The following PHF24 variants were observed in gnomAD, a reference collection of about 807,000 sequenced individuals.
PHF24 encodes the protein Galpha inhibitory interacting protein.
Under a neutral mutation model 42.6 loss-of-function variants are expected in PHF24, and 25 were observed. The observed-to-expected ratio is 0.59, with a 90% CI of 0.43 to 0.82. The LOEUF is 0.82. Ranked by LOEUF, PHF24 falls within the 40% of genes least tolerant of loss-of-function variation. The probability of loss-of-function intolerance (pLI) is 0.00; values close to 1 mark genes in which losing one functional copy is unlikely to be tolerated. For synonymous variants in PHF24, 185 were observed against 204.8 expected (o/e 0.90, Z 0.83); for missense variants, 470 against 538.1 (o/e 0.87, Z 1.25).
chr9:34,788,244 T>C, the PHF24 span, among the ~76,000 whole-genome samples: 1 of 152,166 alleles, frequency 6.6e-6, no homozygotes, highest in East Asian at 1.9e-4. Flanking sequence ...GGTCTTGCTA[T>C]GTTGCCCAGT....
At chr9:34,922,976 C>G in the PHF24 span, 5 of 1,088,976 alleles carry the variant, frequency 4.6e-6, no homozygotes, top group Non-Finnish European at 6.4e-6. Context: ...TCGCCCCAGT[C>G]TACCTGGGGG....
the PHF24 span, chr9:34,723,722 C>T: frequency 6.4e-7 from 1 of 1,551,694 alleles, no homozygotes; most frequent in Non-Finnish European, 8.7e-7. Flanking sequence ...AGTTGGTTGG[C>T]TCAGGAAAGG....
At chr9:34,982,246 C>T (rs1246693297) in exon 8 of PHF24, 1 of 152,218 alleles carries the variant, frequency 6.6e-6, no homozygotes, top group Non-Finnish European at 1.5e-5. Context: ...TAGCCTCCTG[C>T]CATCATGGGT....
the PHF24 span, chr9:34,728,516 C>T: frequency 8.1e-7 from 1 of 1,239,980 alleles, no homozygotes; most frequent in East Asian, 2.5e-5. Flanking sequence ...AGTGGCAGAG[C>T]ACCTGGCTCT....
chr9:34,757,592 T>C, the PHF24 span, among the ~76,000 whole-genome samples: 7 of 152,154 alleles, frequency 4.6e-5, no homozygotes, highest in Admixed American at 3.9e-4. Context: ...TTAGATTTCA[T>C]AGGGAAAGGC....
the PHF24 span, among the ~76,000 whole-genome samples, chr9:34,720,466 AC>A: frequency 5.7e-4 from 85 of 149,350 alleles, 19 homozygotes; most frequent in Non-Finnish European, 7.0e-4. Context: ...AAAAAACAAA[AC>A]AAAACAAAAA....
intron 1 of PHF24, among the ~76,000 whole-genome samples, chr9:34,966,501 A>G (rs76722548): frequency 0.013 from 2,005 of 152,178 alleles, 37 homozygotes; most frequent in East Asian, 0.073. Context: ...AAAATTATCA[A>G]TCATGACCTG....
the PHF24 span, among the ~76,000 whole-genome samples, chr9:34,870,588 T>TTTTC: frequency 6.6e-6 from 1 of 151,614 alleles, no homozygotes. Context: ...GTCTTTTTTT[T>TTTTC]TGAGACAGGG....
exon 7 of PHF24, chr9:34,977,621 G>A: frequency 6.2e-7 from 1 of 1,602,552 alleles, no homozygotes; most frequent in Non-Finnish European, 8.5e-7. Flanking sequence ...AGACCCTGCT[G>A]CCCACAGAGC....
In PHF24 at chr9:34,972,656, C is replaced by G. The variant is rs1023279611; in HGVS notation, c.564+125C>G. On this transcript the variant is annotated intron_variant, in intron 3 of 7. Transcript: ENST00000242315. ...ATGGGCTGGGCGCGGTGGCTCATGC[C>G]TGTAATCCCAGCACTTTGGGAGGCC... 4 of 852,362 alleles carry G rather than the reference C, an allele frequency of 4.7e-6. No homozygotes were observed. In the African/African-American group the frequency reaches 5.2e-5, roughly 11 times the overall value. The allele number at this position is 852,362 out of a possible 1,614,324, so 52.8% of individuals were successfully genotyped here.
the PHF24 span, chr9:34,725,074 C>T: frequency 6.4e-7 from 1 of 1,551,766 alleles, no homozygotes. Context: ...TCTGCAGTTC[C>T]AGGAACTGGC....
At chr9:34,853,249 T>A in the PHF24 span, among the ~76,000 whole-genome samples, 1 of 152,236 alleles carries the variant, frequency 6.6e-6, no homozygotes, top group Admixed American at 6.5e-5. Context: ...GTTCTGTTTA[T>A]GTGATGAATT....
chr9:34,691,416 T>A, the PHF24 span: 1 of 451,326 alleles, frequency 2.2e-6, no homozygotes, highest in Non-Finnish European at 4.0e-6. Flanking sequence ...TTCTTCCCCC[T>A]GCGGTTGCCC....
chr9:34,889,624 C>T, the PHF24 span: 2 of 398,426 alleles, frequency 5.0e-6, no homozygotes, highest in South Asian at 2.5e-4. Context: ...TCCAAGCCAA[C>T]TTCTGGAGCT....
At chr9:34,927,043 G>A in the PHF24 span, among the ~76,000 whole-genome samples, 2 of 152,174 alleles carry the variant, frequency 1.3e-5, no homozygotes, top group African/African-American at 4.8e-5. Flanking sequence ...GAGCATGGGA[G>A]CATAGCCACT....
the PHF24 span, among the ~76,000 whole-genome samples, chr9:34,936,025 C>CTCCCGA: frequency 2.9e-5 from 4 of 140,088 alleles, no homozygotes; most frequent in African/African-American, 8.7e-5. Flanking sequence ...CCCTCTCCCT[C>CTCCCGA]TCCCGCTCCC....
At chr9:34,786,900 A>G in the PHF24 span, among the ~76,000 whole-genome samples, 14 of 152,200 alleles carry the variant, frequency 9.2e-5, no homozygotes, top group African/African-American at 3.4e-4. Flanking sequence ...ATCTCCTGAA[A>G]CGGTTTACCA....
chr9:34,875,938 A>ACT, the PHF24 span, among the ~76,000 whole-genome samples: 42 of 88,516 alleles, frequency 4.7e-4, no homozygotes, highest in South Asian at 1.5e-3. Context: ...ACACACACAC[A>ACT]CACACACACA....
chr9:34,772,305 T>A, the PHF24 span, among the ~76,000 whole-genome samples: 1 of 152,234 alleles, frequency 6.6e-6, no homozygotes, highest in Non-Finnish European at 1.5e-5. Context: ...TTAGACTTAA[T>A]AATTTCACTT....
Sources: allele counts gnomAD v4.1 joint callset (sites outside exome capture counted in the v4.1 genomes callset), GRCh38; gene constraint gnomAD v4.1.1; transcripts MANE v1.5; gene names NCBI Gene and HGNC (gene_info 2026-07-23, HGNC 2026-07-21).